Variants in CACNA1E observed in about 807,000 individuals in gnomAD.
CACNA1E encodes calcium voltage-gated channel subunit alpha1 E, also known as voltage-dependent R-type calcium channel subunit alpha-1E.
CACNA1E carries 40 observed loss-of-function variants against 259.2 expected under a neutral mutation model. The ratio of observed to expected loss-of-function variants is 0.15; its 90% confidence interval spans 0.12 to 0.20. The LOEUF is 0.20. Ranked by LOEUF, CACNA1E falls within the 10% of genes least tolerant of loss-of-function variation. CACNA1E has a pLI of 1.00. For synonymous variants in CACNA1E, 1,104 were observed against 1,138.5 expected (o/e 0.97, Z 0.61); for missense variants, 1,874 against 3,040.1 (o/e 0.62, Z 9.02).
At chr1:181,621,759 A>T (rs919151413) in intron 6 of CACNA1E, among the ~76,000 whole-genome samples, 4 of 152,196 alleles carry the variant, frequency 2.6e-5, no homozygotes, top group Non-Finnish European at 5.9e-5. Context: ...AATTAGTGTT[A>T]TCAGCCATCT....
intron 25 of CACNA1E, among the ~76,000 whole-genome samples, chr1:181,744,815 G>A (rs1217561428): frequency 2.0e-5 from 3 of 152,206 alleles, no homozygotes; most frequent in Non-Finnish European, 4.4e-5. Flanking sequence ...AGGTCATCCA[G>A]TGCCCCTGTT....
chr1:181,765,002 C>T (rs972692761), intron 34 of CACNA1E, among the ~76,000 whole-genome samples: 1 of 152,176 alleles, frequency 6.6e-6, no homozygotes, highest in Non-Finnish European at 1.5e-5. Flanking sequence ...CCAGGTGACA[C>T]TGTGTTATAG....
chr1:181,385,224 TAA>T (rs1280212388), intron 1 of CACNA1E, among the ~76,000 whole-genome samples: 1 of 152,208 alleles, frequency 6.6e-6, no homozygotes, highest in African/African-American at 2.4e-5. Context: ...TCATGAGAAT[TAA>T]AAGTTTGTAA....
chr1:181,615,098 C>T (rs182136360), intron 6 of CACNA1E, among the ~76,000 whole-genome samples: 207 of 152,266 alleles, frequency 1.4e-3, no homozygotes, highest in Non-Finnish European at 2.4e-3. Context: ...ATTGAGTTTT[C>T]TCATTCATGC....
chr1:181,794,902 C>G lies in CACNA1E; in HGVS notation c.6066C>G (p.Ser2022=), dbSNP rs1264526511. 4.3e-6 allele frequency: 7 copies of G among 1,613,730 alleles called. No homozygotes were observed. Among genetic ancestry groups the G allele is most frequent in the Non-Finnish European group, 5.9e-6 (7 of 1,179,730 alleles). The change falls in exon 46 of 48, where the codon TCC becomes TCG. Residue 2022 remains serine, a synonymous_variant. Transcript: ENST00000367573. ...CTAGCTCCATGAGACGTTCATTTTC[C>G]ACTATTCGGGATAAGCGTTCAAATT... ...TDPSSMRRSF[S]TIRDKRSNSS...
At chr1:181,381,404 G>A (rs188706957) in intron 1 of CACNA1E, among the ~76,000 whole-genome samples, 4 of 152,272 alleles carry the variant, frequency 2.6e-5, no homozygotes, top group Admixed American at 1.3e-4. Flanking sequence ...AGGCAAAAAT[G>A]AGTATGTAAT....
At position 181,437,168 on chromosome 1, in the gene CACNA1E, C is replaced by T. The variant is rs565057284; in HGVS notation, c.434+23588C>T. ...GTCACCCTGGAGCCCATGCAACACCCTCTTATTGCCACAGACTTCTGTGCT... is the reference window on the plus strand; with the variant it reads ...GTCACCCTGGAGCCCATGCAACACCTTCTTATTGCCACAGACTTCTGTGCT... On this transcript the variant is annotated intron_variant, in intron 2 of 11. Transcript: ENST00000524607. Among the ~76,000 whole-genome samples the T allele has an allele frequency of 5.9e-5, 9 of 152,086 alleles. No homozygotes were observed. In the South Asian group the frequency reaches 6.2e-4, roughly 11 times the overall value.
At chr1:181,651,545 A>G (rs1658758258) in intron 7 of CACNA1E, 104 bp downstream of exon 7, 2 of 798,070 alleles carry the variant, frequency 2.5e-6, no homozygotes, top group Non-Finnish European at 2.1e-6. Context: ...TTCATTTAGA[A>G]GACACTTACC....
In CACNA1E at chr1:181,807,209, TGAAAGA is replaced by T. The variant is rs1662693373; in HGVS notation, c.*8380_*8385del. ...AAAGATTCCATACAAACTCATTCCC[TGAAAGA>T]GAAAAACAGATTTTCTAATCAGGAC... On this transcript the variant is annotated 3_prime_UTR_variant, in exon 48 of 48. Transcript: ENST00000367573. The T allele has an allele frequency of 6.6e-6, 1 of 151,730 alleles. No homozygotes were observed. The highest frequency in any genetic ancestry group is 2.4e-5 in the African/African-American group (1 of 41,310). The allele number at this position is 151,730 out of a possible 1,614,324, so 9.4% of individuals were successfully genotyped here.
At chr1:181,425,078 C>T (rs985741686) in intron 2 of CACNA1E, among the ~76,000 whole-genome samples, 3 of 152,214 alleles carry the variant, frequency 2.0e-5, no homozygotes, top group Admixed American at 6.5e-5. Context: ...TTTGTTTTCC[C>T]TCTTTTTCAG....
At chr1:181,674,043 C>A (rs997115389) in intron 7 of CACNA1E, among the ~76,000 whole-genome samples, 9 of 151,776 alleles carry the variant, frequency 5.9e-5, no homozygotes, top group African/African-American at 1.9e-4. Context: ...ATGACCTAAG[C>A]AGTTGGGGCT....
At chr1:181,501,712 G>C (rs12125019) in intron 1 of CACNA1E, among the ~76,000 whole-genome samples, 19,149 of 151,608 alleles carry the variant, frequency 0.13, 1,311 homozygotes, top group South Asian at 0.17. Context: ...TTGACAGCAG[G>C]AGTGGGGAAG....
At chr1:181,690,400 C>G (rs1033593890) in intron 7 of CACNA1E, among the ~76,000 whole-genome samples, 1 of 152,146 alleles carries the variant, frequency 6.6e-6, no homozygotes, top group African/African-American at 2.4e-5. Flanking sequence ...AGTTTGAAGT[C>G]AGGTAGCATG....
At chr1:181,761,105 C>T (rs1658540009) in intron 32 of CACNA1E, among the ~76,000 whole-genome samples, 1 of 152,132 alleles carries the variant, frequency 6.6e-6, no homozygotes, top group Non-Finnish European at 1.5e-5. Flanking sequence ...TCCATATGCC[C>T]CATAGGTACA....
chr1:181,354,979 C>A (rs1463837470), intron 1 of CACNA1E, among the ~76,000 whole-genome samples: 1 of 152,226 alleles, frequency 6.6e-6, no homozygotes, highest in Admixed American at 6.5e-5. Flanking sequence ...GCAAAGAGGG[C>A]CAGCACACAG....
chr1:181,433,015 C>T (rs1033521733), intron 2 of CACNA1E, among the ~76,000 whole-genome samples: 3 of 151,934 alleles, frequency 2.0e-5, no homozygotes, highest in Admixed American at 2.0e-4. Context: ...TATAATTTAC[C>T]CTTCCAGCAC....
chr1:181,420,366 C>G (rs536120051), intron 2 of CACNA1E, among the ~76,000 whole-genome samples: 2 of 152,316 alleles, frequency 1.3e-5, no homozygotes, highest in Middle Eastern at 3.4e-3. Context: ...GCCCACTTTT[C>G]AGGTGATGAG....
chr1:181,796,232 G>T (rs182017070), intron 46 of CACNA1E, among the ~76,000 whole-genome samples: 150 of 152,274 alleles, frequency 9.9e-4, no homozygotes, highest in African/African-American at 3.5e-3. Context: ...ACCTGGAGAA[G>T]CCAGGATTCT....
intron 25 of CACNA1E, among the ~76,000 whole-genome samples, chr1:181,742,554 G>A (rs1194719566): frequency 6.6e-6 from 1 of 152,186 alleles, no homozygotes. Context: ...GAGCTATGGT[G>A]GTTGCCATGG....
Sources: gnomAD v4.1 joint callset for allele counts (sites outside exome capture counted in the v4.1 genomes callset) on GRCh38, gnomAD v4.1.1 for gene constraint, MANE v1.5 for transcripts, NCBI Gene and HGNC (gene_info 2026-07-23, HGNC 2026-07-21) for gene names.